The following LRP1B variants were observed in gnomAD, a reference collection of about 807,000 sequenced individuals.
The protein encoded by LRP1B is LDL receptor related protein 1B.
Under a neutral mutation model 556.6 loss-of-function variants are expected in LRP1B, and 217 were observed. The observed-to-expected ratio is 0.39, with a 90% CI of 0.35 to 0.44. LRP1B has a LOEUF of 0.44. LRP1B is among the 20% of genes least tolerant of loss of function. The pLI is 1.00. For synonymous variants in LRP1B, 2,047 were observed against 1,865.8 expected (o/e 1.10, Z -2.50); for missense variants, 5,053 against 5,620.8 (o/e 0.90, Z 3.23).
intron 45 of LRP1B, 117 bp downstream of exon 45, chr2:140,540,856 C>G (rs931682982): frequency 6.9e-6 from 8 of 1,158,462 alleles, no homozygotes; most frequent in Non-Finnish European, 6.0e-6. Context: ...GATAACATGA[C>G]TAAGCTTCTA....
intron 35 of LRP1B, among the ~76,000 whole-genome samples, chr2:140,742,654 T>G (rs2104870826): frequency 6.6e-6 from 1 of 152,126 alleles, no homozygotes; most frequent in East Asian, 1.9e-4. Context: ...CCCAGGCTGA[T>G]CTCAAACTCC....
At chr2:140,701,906 A>G in intron 39 of LRP1B, 61 bp from the exon 40 acceptor site, 2 of 1,599,680 alleles carry the variant, frequency 1.3e-6, no homozygotes, top group Non-Finnish European at 1.7e-6. Flanking sequence ...CAAGCCAGTT[A>G]CTTAAGCTGA....
At chr2:140,493,308 T>C (rs1247435098) in intron 56 of LRP1B, among the ~76,000 whole-genome samples, 1 of 152,196 alleles carries the variant, frequency 6.6e-6, no homozygotes, top group African/African-American at 2.4e-5. Context: ...CAATGTCTTT[T>C]AGTATCTCAT....
At chr2:140,866,514 C>T (rs759047286) in intron 27 of LRP1B, among the ~76,000 whole-genome samples, 10 of 151,842 alleles carry the variant, frequency 6.6e-5, no homozygotes, top group African/African-American at 4.8e-5. Flanking sequence ...CCTATGTAAG[C>T]AGTAGATATA....
At chr2:141,048,106 C>A (rs1391595122) in intron 11 of LRP1B, among the ~76,000 whole-genome samples, 2 of 152,086 alleles carry the variant, frequency 1.3e-5, no homozygotes, top group African/African-American at 4.8e-5. Flanking sequence ...CCTAAAATTC[C>A]TTTTATCTCC....
intron 1 of LRP1B, among the ~76,000 whole-genome samples, chr2:141,886,829 G>C (rs1659218110): frequency 6.6e-6 from 1 of 151,992 alleles, no homozygotes; most frequent in South Asian, 2.1e-4. Context: ...CAACTCGATA[G>C]TGCTAATATT....
At chr2:141,000,082 T>C (rs1185146448) in intron 15 of LRP1B, among the ~76,000 whole-genome samples, 1 of 147,836 alleles carries the variant, frequency 6.8e-6, no homozygotes, top group East Asian at 2.0e-4. Flanking sequence ...GCCTGGCTCA[T>C]TTTTTATTTT....
intron 3 of LRP1B, among the ~76,000 whole-genome samples, chr2:141,294,698 C>G (rs1006368642): frequency 2.7e-5 from 4 of 150,416 alleles, no homozygotes; most frequent in Admixed American, 6.6e-5. Flanking sequence ...CATGGCCACA[C>G]CACTGCATGC....
At chr2:140,528,019 G>T (rs544689895) in intron 47 of LRP1B, among the ~76,000 whole-genome samples, 2 of 151,906 alleles carry the variant, frequency 1.3e-5, no homozygotes, top group South Asian at 2.1e-4. Context: ...AGTTTAGGAT[G>T]CCAGGAAGAT....
intron 35 of LRP1B, among the ~76,000 whole-genome samples, chr2:140,740,809 A>AT (rs1688111251): frequency 6.6e-6 from 1 of 151,782 alleles, no homozygotes; most frequent in East Asian, 1.9e-4. Flanking sequence ...TCCTCTGTGC[A>AT]TTTTTTCTGT....
intron 31 of LRP1B, among the ~76,000 whole-genome samples, chr2:140,816,360 C>A (rs978395352): frequency 1.4e-4 from 22 of 152,042 alleles, no homozygotes; most frequent in African/African-American, 5.3e-4. Flanking sequence ...TCATGATCCA[C>A]CTGCCTCGGC....
chr2:140,935,598 C>G (rs558801552), intron 20 of LRP1B, among the ~76,000 whole-genome samples: 1 of 151,766 alleles, frequency 6.6e-6, no homozygotes, highest in Non-Finnish European at 1.5e-5. Context: ...AGGAAGGGAG[C>G]GAGAATATCT....
At chr2:141,845,623 C>A (rs1330834441) in intron 1 of LRP1B, among the ~76,000 whole-genome samples, 7 of 151,808 alleles carry the variant, frequency 4.6e-5, no homozygotes, top group Admixed American at 4.6e-4. Context: ...ATAAAAATGA[C>A]TCTAGTCTTT....
Position 140,371,273 on chromosome 2 carries a change from C to A in LRP1B, c.10781G>T (p.Cys3594Phe). 2 of 1,561,244 alleles carry A rather than the reference C, an allele frequency of 1.3e-6. No individual in the cohort carries two copies. The highest frequency in any genetic ancestry group is 1.2e-5 in the South Asian group (1 of 81,922). Residue 3594 changes from cysteine (C) to phenylalanine (F), a missense_variant, in exon 70 of 91, where the codon TGC becomes TTC. Transcript: ENST00000389484. ...EKSCEPASPT[C>F]SSREYICASD... ...GGCACATATATATTCACGTGATGAGCAAGTAGGAGAAGCTGAATACAATTA... is the reference window on the plus strand; with the variant it reads ...GGCACATATATATTCACGTGATGAGAAAGTAGGAGAAGCTGAATACAATTA...
intron 2 of LRP1B, among the ~76,000 whole-genome samples, chr2:141,715,315 C>A (rs1443800132): frequency 6.6e-6 from 1 of 151,618 alleles, no homozygotes; most frequent in Non-Finnish European, 1.5e-5. Context: ...AAACAAAAGT[C>A]AAAAAATCAG....
chr2:140,269,597 A>G (rs1682367837), intron 86 of LRP1B, among the ~76,000 whole-genome samples: 1 of 151,986 alleles, frequency 6.6e-6, no homozygotes, highest in East Asian at 1.9e-4. Flanking sequence ...CTTTTGGTCA[A>G]ACAGTGATGA....
rs530532002 is a variant in LRP1B, at chr2:140,770,327, G to C, written c.5626+554C>G. Among the ~76,000 whole-genome samples, 10 of 151,926 alleles carry C rather than the reference G, an allele frequency of 6.6e-5. No homozygotes were observed. In the East Asian group the frequency reaches 1.9e-3, roughly 29 times the overall value. On this transcript the variant is annotated intron_variant, in intron 34 of 90. Coordinates refer to ENST00000389484, the MANE Select transcript of LRP1B (RefSeq NM_018557.3). ...CAAATAAGATTGGAACATTTTTAAC[G>C]ATAAAAATTAACCTATGATCATTAG...
intron 80 of LRP1B, among the ~76,000 whole-genome samples, chr2:140,324,708 T>G (rs889378371): frequency 2.0e-5 from 3 of 151,934 alleles, no homozygotes; most frequent in Non-Finnish European, 2.9e-5. Context: ...AAACTGAAAT[T>G]TATAACAAAA....
chr2:141,747,008 C>G (rs1253956690), intron 2 of LRP1B, among the ~76,000 whole-genome samples: 18 of 151,934 alleles, frequency 1.2e-4, no homozygotes, highest in African/African-American at 4.1e-4. Flanking sequence ...TCTGAAAAGC[C>G]AAAGATTTGT....
Sources: allele counts gnomAD v4.1 joint callset (sites outside exome capture counted in the v4.1 genomes callset), GRCh38; gene constraint gnomAD v4.1.1; transcripts MANE v1.5; gene names NCBI Gene and HGNC (gene_info 2026-07-23, HGNC 2026-07-21).